HUNK: variants seen among roughly 807,000 people sequenced by gnomAD.
HUNK encodes the protein hormonally up-regulated neu tumor-associated kinase.
A neutral mutation model predicts 61.0 loss-of-function variants in HUNK; 21 were observed. The observed-to-expected ratio is 0.34, with a 90% CI of 0.24 to 0.50. HUNK has a LOEUF of 0.50. Ranked by LOEUF, HUNK falls within the 20% of genes least tolerant of loss-of-function variation. The pLI, the probability that HUNK is intolerant of heterozygous loss-of-function variation, is 0.98. For missense variants in HUNK, 772 were observed against 945.7 expected, an observed-to-expected ratio of 0.82 and a Z score of 2.41; for synonymous variants, 371 against 386.1, an observed-to-expected ratio of 0.96 and a Z score of 0.46.
intron 1 of HUNK, among the ~76,000 whole-genome samples, chr21:31,914,299 C>T (rs990771038): frequency 8.1e-5 from 12 of 148,944 alleles, no homozygotes; most frequent in African/African-American, 2.5e-4. Context: ...CTCAGCTACT[C>T]GGGAAGGCTG....
At chr21:31,927,722 C>T (rs1167441752) in intron 2 of HUNK, among the ~76,000 whole-genome samples, 1 of 151,990 alleles carries the variant, frequency 6.6e-6, no homozygotes, top group Non-Finnish European at 1.5e-5. Context: ...CTTAGACTTC[C>T]AAGGTGGAGA....
chr21:31,880,536 A>G (rs545321143), intron 1 of HUNK, among the ~76,000 whole-genome samples: 2 of 152,212 alleles, frequency 1.3e-5, no homozygotes, highest in South Asian at 2.1e-4. Flanking sequence ...CTGTCTTCAC[A>G]CAGTGTTCCT....
At chr21:31,979,310 G>T (rs1351122753) in intron 7 of HUNK, among the ~76,000 whole-genome samples, 1 of 151,616 alleles carries the variant, frequency 6.6e-6, no homozygotes, top group African/African-American at 2.4e-5. Context: ...GTAGAGACGG[G>T]GTTTCACCAT....
chr21:31,989,580 G>C (rs993764244), intron 8 of HUNK, among the ~76,000 whole-genome samples: 10 of 152,070 alleles, frequency 6.6e-5, no homozygotes, highest in African/African-American at 2.2e-4. Flanking sequence ...TGGGTGTGGT[G>C]GTGCACGCCT....
At chr21:31,986,953 T>C (rs1038429629) in intron 8 of HUNK, among the ~76,000 whole-genome samples, 4 of 152,184 alleles carry the variant, frequency 2.6e-5, no homozygotes, top group Non-Finnish European at 4.4e-5. Flanking sequence ...TTAACATCTC[T>C]CCCTCTGGGC....
intron 10 of HUNK, 111 bp downstream of exon 10, chr21:31,996,059 GC>G (rs1443261837): frequency 6.0e-6 from 5 of 835,788 alleles, no homozygotes; most frequent in Non-Finnish European, 9.2e-6. Context: ...TGATTCCTGT[GC>G]CCACAGAAAA....
Position 31,873,817 on chromosome 21 carries a change from G to C in HUNK, c.143G>C (p.Arg48Pro), listed in dbSNP as rs1180299995. ...TGGGTGAGCGGCGTGCCCCGCGAGC[G>C]GCTCCGCGACTTCCAGCACCACAAG... is the stretch of plus-strand genomic sequence containing the variant. Reference protein sequence around the residue: ...PAWVSGVPRERLRDFQHHKRV... With the variant: ...PAWVSGVPREPLRDFQHHKRV... Residue 48 changes from arginine (R) to proline (P), a missense_variant, in exon 1 of 11, where the codon CGG (arginine) becomes CCG (proline). By Grantham distance (103) the Arg-to-Pro change is moderately radical. Around this residue, in one of 2 missense-constraint regions of HUNK, gnomAD observed 359 missense variants for 501.3 expected, o/e 0.72. Transcript: ENST00000270112. This position sits in a 1 kb window ranked among gnomAD's most constrained non-coding sequence, Gnocchi z 6.1. 6.4e-7 allele frequency: 1 copy of C among 1,571,530 alleles called. No individual in the cohort carries two copies. The highest frequency in any genetic ancestry group is 1.4e-5 in the African/African-American group (1 of 71,292).
rs2053035511 is a variant in HUNK at position 31,974,594 on chromosome 21, C to T, written c.1050C>T (p.His350=). Residue 350 remains histidine (H), a synonymous_variant, in exon 7 of 11, where the codon CAC becomes CAT. Transcript: ENST00000270112. ...LEDLSPSVVL[H]MTEKLGYKNS... is the part of the protein sequence containing the mutation. ...ATCTGAGCCCGAGCGTCGTGCTGCA[C>T]ATGACCGAGAAGCTGGGTTACAAGA... 6.2e-7 allele frequency: 1 copy of T among 1,613,742 alleles called. No individual in the cohort carries two copies.
chr21:31,954,716 A>T (rs1238406568), intron 4 of HUNK, among the ~76,000 whole-genome samples: 5 of 152,166 alleles, frequency 3.3e-5, no homozygotes, highest in Admixed American at 3.3e-4. Context: ...GCTTGCAAAA[A>T]CACTGCAGAG....
chr21:31,899,848 G>T (rs1444485952), intron 1 of HUNK, among the ~76,000 whole-genome samples: 1 of 151,714 alleles, frequency 6.6e-6, no homozygotes, highest in Non-Finnish European at 1.5e-5. Context: ...TGCGTTCTTG[G>T]CTCACTACAA....
rs918896203 is a variant in HUNK, at chr21:31,912,175, C to T, written c.262-12293C>T. ...ATCTTCTTTCCAGGTCCATGCTGGC[C>T]CTGTTGTTATCCAGGGCATGCTGAT... On this transcript the variant is annotated intron_variant, in intron 1 of 10. Transcript: ENST00000270112. Among the ~76,000 whole-genome samples, 4 of 152,158 alleles carry T rather than the reference C, an allele frequency of 2.6e-5. No individual in the cohort carries two copies. In the East Asian group the frequency reaches 7.7e-4, roughly 29 times the overall value.
chr21:31,945,999 C>T, intron 3 of HUNK, 37 bp from the exon 4 acceptor site: 1 of 1,551,788 alleles, frequency 6.4e-7, no homozygotes, highest in Non-Finnish European at 8.8e-7. Context: ...CCGCAGTTTT[C>T]TAATTCGGAG....
chr21:31,936,054 C>G lies in HUNK; in HGVS notation c.555-4111C>G, dbSNP rs138133441. On this transcript the variant is annotated intron_variant, in intron 2 of 10. Transcript: ENST00000270112. ...TCAGGTGATCAACCCGCCTCAGCTT[C>G]CCAAAGTGCTGGGATTATGGGTGTG... 3.6e-3 allele frequency among the ~76,000 whole-genome samples: 542 copies of G among 152,294 alleles called. 2 individuals carry two copies. The highest frequency in any genetic ancestry group is 6.1e-3 in the Non-Finnish European group (413 of 68,032).
chr21:31,997,635 A>G (rs1447475552), intron 10 of HUNK, among the ~76,000 whole-genome samples: 5 of 152,206 alleles, frequency 3.3e-5, no homozygotes, highest in African/African-American at 1.2e-4. Context: ...ACAGTTCTGG[A>G]GATTGATTCT....
intron 7 of HUNK, among the ~76,000 whole-genome samples, chr21:31,982,573 G>A (rs913744500): frequency 6.6e-6 from 1 of 152,208 alleles, no homozygotes; most frequent in African/African-American, 2.4e-5. Flanking sequence ...AAGATAGAGA[G>A]CCTGTAAGGG....
In HUNK at chr21:31,974,655, G is replaced by A. The variant is rs754448972; in HGVS notation, c.1111G>A (p.Ala371Thr). The change falls in exon 7 of 11, where the codon GCC (alanine) becomes ACC (threonine). Residue 371 changes from alanine to threonine, a missense_variant. Coordinates refer to ENST00000270112, the MANE Select transcript of HUNK (RefSeq NM_014586.2). ...GATCAACACTGTGCTCTCCAACCGC[G>A]CCTGCCACATCCTGGCCATCTACTT... The part of the protein sequence containing the change: ...DVINTVLSNR[A>T]CHILAIYFLL... The A allele has an allele frequency of 1.9e-6, 3 of 1,613,040 alleles. No individual in the cohort carries two copies. Among genetic ancestry groups the A allele is most frequent in the Non-Finnish European group, 2.5e-6 (3 of 1,179,856 alleles).
intron 10 of HUNK, among the ~76,000 whole-genome samples, chr21:31,996,885 C>T (rs943301212): frequency 6.6e-6 from 1 of 152,228 alleles, no homozygotes; most frequent in African/African-American, 2.4e-5. Context: ...AACCTGCTTT[C>T]CCTGGGGCAG....
At chr21:31,979,515 C>CTTTTTTTTTTTT (rs71193166) in intron 7 of HUNK, among the ~76,000 whole-genome samples, 1 of 34,298 alleles carries the variant, frequency 2.9e-5, no homozygotes, top group Non-Finnish European at 5.7e-5. Flanking sequence ...TGTTTGCATT[C>CTTTTTTTTTTTT]TTTTTTTTTT....
chr21:31,880,214 A>G (rs987467832), intron 1 of HUNK, among the ~76,000 whole-genome samples: 1 of 152,126 alleles, frequency 6.6e-6, no homozygotes, highest in Non-Finnish European at 1.5e-5. Context: ...TGGAGGGGGT[A>G]ACAGCCAGCT....
Sources: gnomAD v4.1 joint callset for allele counts (sites outside exome capture counted in the v4.1 genomes callset) on GRCh38, gnomAD v4.1.1 for gene constraint, gnomAD v4.1.1 regional missense constraint, Gnocchi (gnomAD v3.1) non-coding constraint, MANE v1.5 for transcripts, NCBI Gene and HGNC (gene_info 2026-07-23, HGNC 2026-07-21) for gene names.